MPPED2: variants seen among roughly 807,000 people sequenced by gnomAD.
MPPED2 encodes metallophosphoesterase domain containing 2.
A neutral mutation model predicts 33.0 loss-of-function variants in MPPED2; 5 were observed. The ratio of observed to expected loss-of-function variants is 0.15; its 90% CI spans 0.08 to 0.32. The LOEUF (loss-of-function observed/expected upper bound fraction) is 0.32, where lower values mean the gene tolerates loss of function less well. Among genes scored for constraint, MPPED2 ranks in the 10% least tolerant of loss-of-function variants. The pLI, the probability that MPPED2 is intolerant of heterozygous loss-of-function variation, is 1.00. For synonymous variants in MPPED2, 136 were observed against 141.9 expected (o/e 0.96, Z 0.29); for missense variants, 275 against 372.1 (o/e 0.74, Z 2.15).
exon 7 of MPPED2, chr11:30,386,421 C>T (rs1162312084): frequency 9.3e-5 from 22 of 236,776 alleles, no homozygotes; most frequent in Non-Finnish European, 1.6e-4. Context: ...GCTCCAATTC[C>T]AGTCTTGGCT....
chr11:30,418,723 A>G (rs1435928587), intron 4 of MPPED2, among the ~76,000 whole-genome samples: 1 of 152,246 alleles, frequency 6.6e-6, no homozygotes, highest in East Asian at 1.9e-4. Flanking sequence ...AAACCTGTGT[A>G]TAAAGTGACC....
intron 2 of MPPED2, among the ~76,000 whole-genome samples, chr11:30,544,818 A>G (rs1590797498): frequency 6.6e-6 from 1 of 152,230 alleles, no homozygotes; most frequent in East Asian, 1.9e-4. Flanking sequence ...AACACAAGGT[A>G]GTATGTCGAT....
At chr11:30,536,245 C>CA in intron 2 of MPPED2, 70 bp from the exon 3 acceptor site, 1 of 1,315,994 alleles carries the variant, frequency 7.6e-7, no homozygotes, top group Non-Finnish European at 1.0e-6. Flanking sequence ...GTCGCACATA[C>CA]ATATTTATTA....
intron 2 of MPPED2, among the ~76,000 whole-genome samples, chr11:30,547,573 C>T (rs556919032): frequency 1.3e-5 from 2 of 152,144 alleles, no homozygotes; most frequent in Non-Finnish European, 1.5e-5. Context: ...AGCCTATGTT[C>T]TTTGTATTGT....
At chr11:30,390,894 C>T (rs2133694996) in intron 6 of MPPED2, among the ~76,000 whole-genome samples, 1 of 152,224 alleles carries the variant, frequency 6.6e-6, no homozygotes, top group East Asian at 1.9e-4. Context: ...AGACCAGTTT[C>T]TTTGTATGGT....
At chr11:30,577,073 CT>C (rs1449609849) in intron 2 of MPPED2, among the ~76,000 whole-genome samples, 1 of 152,120 alleles carries the variant, frequency 6.6e-6, no homozygotes, top group African/African-American at 2.4e-5. Flanking sequence ...TTTTTGTTTC[CT>C]TAATAGCATC....
At chr11:30,421,021 A>G (rs1332185666) in intron 4 of MPPED2, among the ~76,000 whole-genome samples, 1 of 152,194 alleles carries the variant, frequency 6.6e-6, no homozygotes, top group Non-Finnish European at 1.5e-5. Context: ...GATTTTGAAA[A>G]CAAGCTTCTG....
chr11:30,454,285 G>A (rs544097358), intron 4 of MPPED2, among the ~76,000 whole-genome samples: 115 of 152,216 alleles, frequency 7.6e-4, no homozygotes, highest in East Asian at 1.2e-3. Flanking sequence ...GTTTACTGGC[G>A]TACTGTGATA....
chr11:30,529,119 A>G (rs1470721434), intron 3 of MPPED2, among the ~76,000 whole-genome samples: 2 of 152,212 alleles, frequency 1.3e-5, no homozygotes, highest in African/African-American at 4.8e-5. Flanking sequence ...GCTGACACAG[A>G]GCATGATGTG....
intron 3 of MPPED2, among the ~76,000 whole-genome samples, chr11:30,534,832 T>C (rs1954726037): frequency 6.6e-6 from 1 of 152,216 alleles, no homozygotes; most frequent in African/African-American, 2.4e-5. Flanking sequence ...TCAATTTAAA[T>C]GCTCATTTTT....
chr11:30,504,678 C>A, intron 3 of MPPED2: 1 of 860,992 alleles, frequency 1.2e-6, no homozygotes, highest in Non-Finnish European at 1.7e-6. Context: ...CTCAGTCTGT[C>A]CCCCGTCAGG....
chr11:30,455,173 C>T (rs774998219), intron 4 of MPPED2, among the ~76,000 whole-genome samples: 3 of 152,206 alleles, frequency 2.0e-5, no homozygotes, highest in Admixed American at 1.3e-4. Flanking sequence ...CAGTTTGAAA[C>T]GTCACTACAT....
intron 4 of MPPED2, among the ~76,000 whole-genome samples, chr11:30,491,424 A>T (rs1489616553): frequency 6.6e-6 from 1 of 152,202 alleles, no homozygotes; most frequent in Non-Finnish European, 1.5e-5. Context: ...GCTAAAACTT[A>T]TCTAATCTCA....
downstream of MPPED2, among the ~76,000 whole-genome samples, chr11:30,406,618 T>A (rs1422417105): frequency 1.3e-5 from 2 of 152,212 alleles, no homozygotes; most frequent in Admixed American, 1.3e-4. Flanking sequence ...CACATCCTGC[T>A]ATTGAATGCA....
chr11:30,388,707 T>G, exon 7 of MPPED2: 1 of 699,568 alleles, frequency 1.4e-6, no homozygotes, highest in South Asian at 3.1e-5. Flanking sequence ...TCTTTCCTGT[T>G]GTCCACCAGG....
chr11:30,454,194 C>G (rs2133964522), intron 4 of MPPED2, among the ~76,000 whole-genome samples: 1 of 152,280 alleles, frequency 6.6e-6, no homozygotes, highest in East Asian at 1.9e-4. Flanking sequence ...ACCTTATTTA[C>G]AGTATGTCAA....
Position 30,417,549 on chromosome 11 carries a change from A to G in MPPED2, c.621T>C (p.Ile207=). The change falls in exon 5 of 7, where the codon ATT becomes ATC. Residue 207 remains isoleucine, a synonymous_variant. Coordinates refer to ENST00000358117, the MANE Select transcript of MPPED2 (RefSeq NM_001584.3). ...LDKWNLIPEG[I]DILMTHGPPL... ...GAGGTCCATGTGTCATGAGTATGTC[A>G]ATGCCCTCAGGGATGAGGTTCCACT... is the stretch of plus-strand genomic sequence containing the variant. The G allele has an allele frequency of 6.2e-7, 1 of 1,612,984 alleles. No homozygotes were observed. Among genetic ancestry groups the G allele is most frequent in the South Asian group, 1.1e-5 (1 of 91,040 alleles).
chr11:30,446,428 G>T (rs965545615), intron 4 of MPPED2, among the ~76,000 whole-genome samples: 2 of 152,032 alleles, frequency 1.3e-5, no homozygotes, highest in Non-Finnish European at 1.5e-5. Flanking sequence ...TTCTAAAAGT[G>T]CCAGATGTTA....
chr11:30,524,032 C>T (rs1171267801), intron 3 of MPPED2, among the ~76,000 whole-genome samples: 1 of 151,988 alleles, frequency 6.6e-6, no homozygotes, highest in East Asian at 1.9e-4. Flanking sequence ...AGGTGGATCA[C>T]CTGAGGTCAG....
Sources: allele counts gnomAD v4.1 joint callset (sites outside exome capture counted in the v4.1 genomes callset), GRCh38; gene constraint gnomAD v4.1.1; transcripts MANE v1.5; gene names NCBI Gene and HGNC (gene_info 2026-07-23, HGNC 2026-07-21).